The following IL4R variants were observed in gnomAD, a reference collection of about 807,000 sequenced individuals.
IL4R encodes the protein interleukin 4 receptor.
IL4R carries 17 observed loss-of-function variants against 41.5 expected under a neutral mutation model. That is an observed-to-expected ratio of 0.41 (90% confidence interval 0.28 to 0.61). The LOEUF (loss-of-function observed/expected upper bound fraction) is 0.61, where lower values mean the gene tolerates loss of function less well. Among genes scored for constraint, IL4R ranks in the 20% least tolerant of loss-of-function variants. The probability of loss-of-function intolerance (pLI) is 0.31; values close to 1 mark genes in which losing one functional copy is unlikely to be tolerated. For missense variants in IL4R, 974 were observed against 1,043.1 expected (o/e 0.93, Z 0.91); for synonymous variants, 402 against 422.9 (o/e 0.95, Z 0.61).
chr16:27,313,911 GT>G (rs1254098178), upstream of IL4R: 2 of 984,728 alleles, frequency 2.0e-6, no homozygotes, highest in Non-Finnish European at 2.4e-6. Context: ...GGCGGGCTGG[GT>G]CTCCGCGCCC....
intron 6 of IL4R, among the ~76,000 whole-genome samples, chr16:27,347,850 CCA>C (rs2085706135): frequency 6.6e-6 from 1 of 152,260 alleles, no homozygotes; most frequent in Non-Finnish European, 1.5e-5. Context: ...GAGCACCCGC[CCA>C]CAGGGCTATG....
intron 1 of IL4R, among the ~76,000 whole-genome samples, chr16:27,315,160 G>A (rs1567300026): frequency 6.6e-6 from 1 of 152,180 alleles, no homozygotes. Flanking sequence ...AGTAGCCTAT[G>A]AGGAGCCCAA....
chr16:27,317,734 C>T (rs2084688494), intron 1 of IL4R, among the ~76,000 whole-genome samples: 1 of 152,298 alleles, frequency 6.6e-6, no homozygotes. Flanking sequence ...TCCCAGCTCT[C>T]CACTGTGTAA....
chr16:27,331,294 T>C (rs113974384), intron 2 of IL4R, among the ~76,000 whole-genome samples: 494 of 152,214 alleles, frequency 3.2e-3, no homozygotes, highest in African/African-American at 9.8e-3. Context: ...TCTAGACAGA[T>C]AGTAGTTAAG....
chr16:27,315,167 C>T (rs1171834752), intron 1 of IL4R, among the ~76,000 whole-genome samples: 3 of 152,174 alleles, frequency 2.0e-5, no homozygotes, highest in Non-Finnish European at 2.9e-5. Context: ...TATGAGGAGC[C>T]CAAGGCATTT....
intron 2 of IL4R, among the ~76,000 whole-genome samples, chr16:27,332,988 G>T (rs961977879): frequency 1.3e-5 from 2 of 151,820 alleles, no homozygotes; most frequent in African/African-American, 4.8e-5. Context: ...CTTTCTTCCT[G>T]CTAGTGACTT....
rs765695378 is a variant in IL4R at position 27,342,114 on chromosome 16, T to G, written c.71-7T>G. ...GGGCCGCTCAGGCTGCTCCTGTGTC[T>G]CCCCAGGGAACATGAAGGTCTTGCA... On this transcript the variant is annotated splice_polypyrimidine_tract_variant and splice_region_variant and intron_variant, in intron 3 of 10. Coordinates refer to ENST00000395762, the MANE Select transcript of IL4R (RefSeq NM_000418.4). 57 of 1,613,516 alleles carry G rather than the reference T, an allele frequency of 3.5e-5. No individual in the cohort carries two copies. In the Admixed American group the frequency reaches 5.8e-4, roughly 17 times the overall value.
chr16:27,359,944 G>C (rs1228599843), intron 9 of IL4R: 5 of 411,714 alleles, frequency 1.2e-5, no homozygotes, highest in Non-Finnish European at 2.5e-5. Flanking sequence ...GGCTGGGCTG[G>C]GCTGGGCTGG....
intron 1 of IL4R, among the ~76,000 whole-genome samples, chr16:27,314,607 T>A (rs1413236333): frequency 1.3e-5 from 2 of 152,068 alleles, no homozygotes; most frequent in East Asian, 3.9e-4. Flanking sequence ...ACAGATGAGG[T>A]CACCAAGACC....
chr16:27,314,044 G>A (rs1412586024), intron 1 of IL4R, 24 bp downstream of exon 1: 13 of 984,970 alleles, frequency 1.3e-5, no homozygotes, highest in Non-Finnish European at 1.6e-5. Flanking sequence ...CCCGCGCGCG[G>A]ATCGGGTTGC....
intron 2 of IL4R, among the ~76,000 whole-genome samples, chr16:27,331,009 C>A (rs1056549892): frequency 2.0e-5 from 3 of 151,980 alleles, no homozygotes; most frequent in Non-Finnish European, 4.4e-5. Context: ...GGAGAAGAGG[C>A]AGGGTGAGCC....
chr16:27,326,842 G>A (rs563700369), intron 1 of IL4R, among the ~76,000 whole-genome samples: 114 of 152,212 alleles, frequency 7.5e-4, no homozygotes, highest in African/African-American at 2.6e-3. Flanking sequence ...GGCTGGGGAC[G>A]GAGCCAACCA....
intron 2 of IL4R, 42 bp from the exon 3 acceptor site, chr16:27,340,144 G>A: frequency 7.5e-7 from 1 of 1,340,898 alleles, no homozygotes; most frequent in Admixed American, 1.8e-5. Flanking sequence ...AGCTCTGCTG[G>A]AAGCACAGGT....
intron 4 of IL4R, 126 bp from the exon 5 acceptor site, chr16:27,344,743 G>A (rs1427072249): frequency 9.8e-7 from 1 of 1,018,564 alleles, no homozygotes; most frequent in African/African-American, 1.6e-5. Context: ...CCCCAGATCT[G>A]TCCTCACATC....
At chr16:27,353,415 A>G (rs1727786376) in intron 7 of IL4R, among the ~76,000 whole-genome samples, 2 of 152,264 alleles carry the variant, frequency 1.3e-5, no homozygotes, top group Admixed American at 1.3e-4. Flanking sequence ...ACATTTAAAC[A>G]CATTTTTAAT....
chr16:27,321,855 A>C (rs1041846414), intron 1 of IL4R, among the ~76,000 whole-genome samples: 1 of 152,122 alleles, frequency 6.6e-6, no homozygotes, highest in Non-Finnish European at 1.5e-5. Flanking sequence ...GACAGATAGA[A>C]TTTTTTAAGT....
chr16:27,362,806 C>G lies in IL4R; in HGVS notation c.1454C>G (p.Thr485Arg). ...PTQSPDNLTC[T>R]ETPLVIAGNP... The stretch of plus-strand genomic sequence containing the variant: ...CAGAGTCCAGACAACCTGACTTGCA[C>G]AGAGACGCCCCTCGTCATCGCAGGC... The change falls in exon 11 of 11, where the codon ACA (threonine) becomes AGA (arginine). Residue 485 changes from threonine to arginine, a missense_variant. By Grantham distance (71) the Thr-to-Arg change is moderately conservative. Transcript: ENST00000395762. 1 of 1,614,202 alleles carries G rather than the reference C, an allele frequency of 6.2e-7. No homozygotes were observed. Among genetic ancestry groups the G allele is most frequent in the Non-Finnish European group, 8.5e-7 (1 of 1,180,046 alleles).
At chr16:27,340,132 T>C in intron 2 of IL4R, 54 bp from the exon 3 acceptor site, 1 of 1,164,586 alleles carries the variant, frequency 8.6e-7, no homozygotes, top group South Asian at 1.3e-5. Context: ...TTGAATAAGA[T>C]GAGCTCTGCT....
intron 9 of IL4R, 151 bp downstream of exon 9, chr16:27,359,145 T>A: frequency 1.5e-6 from 1 of 650,400 alleles, no homozygotes; most frequent in South Asian, 1.7e-5. Context: ...AGAAGCCGAA[T>A]GAGGTCATTA....
Sources: gnomAD v4.1 joint callset for allele counts (sites outside exome capture counted in the v4.1 genomes callset) on GRCh38, gnomAD v4.1.1 for gene constraint, MANE v1.5 for transcripts, NCBI Gene and HGNC (gene_info 2026-07-23, HGNC 2026-07-21) for gene names.